SAMMSON: variants seen among roughly 807,000 people sequenced by gnomAD.
SAMMSON encodes survival associated mitochondrial melanoma specific oncogenic non-coding RNA, also known as long intergenic non-protein coding RNA 1212.
intron 3 of SAMMSON, among the ~76,000 whole-genome samples, chr3:70,026,193 A>G (rs2067036439): frequency 6.6e-6 from 1 of 152,206 alleles, no homozygotes; most frequent in Non-Finnish European, 1.5e-5. Flanking sequence ...TCATTGGAAG[A>G]TGATATTTAC....
intron 4 of SAMMSON, among the ~76,000 whole-genome samples, chr3:70,164,222 T>C (rs1279485832): frequency 6.6e-6 from 1 of 152,042 alleles, no homozygotes; most frequent in Non-Finnish European, 1.5e-5. Context: ...GTTCTGCCTC[T>C]AACTAGCTGT....
intron 4 of SAMMSON, among the ~76,000 whole-genome samples, chr3:70,169,790 G>A (rs2067654604): frequency 1.3e-5 from 2 of 151,884 alleles, no homozygotes; most frequent in Admixed American, 1.3e-4. Context: ...GACTTAGAAT[G>A]AACTACATTT....
At chr3:70,377,904 A>T (rs192619947) in intron 9 of SAMMSON, among the ~76,000 whole-genome samples, 1 of 152,120 alleles carries the variant, frequency 6.6e-6, no homozygotes, top group East Asian at 1.9e-4. Flanking sequence ...TATCAATGTG[A>T]TACTCCTTTT....
rs192305061 is a variant in SAMMSON at position 70,203,261 on chromosome 3, A to G, written n.508-45846A>G. On this transcript the variant is annotated intron_variant and non_coding_transcript_variant, in intron 4 of 9. Coordinates refer to ENST00000642114, the Ensembl canonical transcript of SAMMSON. Reference sequence around the variant, plus strand: ...GTTATCACAGAGAATTCAGCATCATAATGAGATTCATGACACAATGAATCC... The same window carrying G: ...GTTATCACAGAGAATTCAGCATCATGATGAGATTCATGACACAATGAATCC... 3.2e-3 allele frequency among the ~76,000 whole-genome samples: 490 copies of G among 152,242 alleles called. 2 individuals are homozygous for G. Among genetic ancestry groups the G allele is most frequent in the Non-Finnish European group, 5.3e-3 (361 of 68,004 alleles).
At chr3:70,178,393 T>A (rs1362192302) in intron 4 of SAMMSON, among the ~76,000 whole-genome samples, 3 of 152,178 alleles carry the variant, frequency 2.0e-5, no homozygotes, top group Admixed American at 2.0e-4. Context: ...TTAAAGGACA[T>A]ACCCTGGCTG....
intron 3 of SAMMSON, among the ~76,000 whole-genome samples, chr3:70,020,669 C>T (rs890654707): frequency 4.5e-4 from 69 of 152,196 alleles, no homozygotes; most frequent in African/African-American, 1.5e-3. Flanking sequence ...CTACTTGGAT[C>T]TCATTCCTTT....
intron 4 of SAMMSON, among the ~76,000 whole-genome samples, chr3:70,074,185 A>G (rs1376443545): frequency 2.6e-5 from 4 of 152,046 alleles, no homozygotes; most frequent in Non-Finnish European, 5.9e-5. Context: ...TGTTTTGCCT[A>G]TTCACAAAAG....
downstream of SAMMSON, among the ~76,000 whole-genome samples, chr3:70,390,998 T>C (rs765423699): frequency 1.2e-4 from 18 of 152,094 alleles, no homozygotes; most frequent in Non-Finnish European, 1.6e-4. Flanking sequence ...TATTGTGTCA[T>C]TAGAATTTAT....
chr3:70,255,000 AT>A (rs1187793030), intron 6 of SAMMSON, among the ~76,000 whole-genome samples: 1 of 152,302 alleles, frequency 6.6e-6, no homozygotes, highest in East Asian at 1.9e-4. Context: ...GGACATTTAG[AT>A]TGTTCCTTAT....
chr3:70,392,950 T>A (rs1258345336), downstream of SAMMSON, among the ~76,000 whole-genome samples: 2 of 152,128 alleles, frequency 1.3e-5, no homozygotes, highest in Non-Finnish European at 2.9e-5. Flanking sequence ...AGATTTTAAT[T>A]CGCATTGCAA....
intron 4 of SAMMSON, among the ~76,000 whole-genome samples, chr3:70,110,821 G>A (rs1388658197): frequency 6.6e-6 from 1 of 152,106 alleles, no homozygotes; most frequent in Admixed American, 6.5e-5. Flanking sequence ...ACACCTGAAC[G>A]TACGCCACCT....
intron 4 of SAMMSON, among the ~76,000 whole-genome samples, chr3:70,144,730 GTCTCACAAGA>G (rs2067541153): frequency 6.6e-6 from 1 of 152,038 alleles, no homozygotes. Context: ...TAATGAATGG[GTCTCACAAGA>G]TCTAAATGGT....
chr3:70,370,543 T>C (rs1020704070), intron 9 of SAMMSON, among the ~76,000 whole-genome samples: 4 of 152,144 alleles, frequency 2.6e-5, no homozygotes, highest in African/African-American at 7.2e-5. Context: ...TTGATTTGCA[T>C]TTCTCTGATG....
chr3:70,385,011 T>C lies in SAMMSON; in HGVS notation n.914-4563T>C, dbSNP rs547108432. On this transcript the variant is annotated intron_variant and non_coding_transcript_variant, in intron 9 of 9. Transcript: ENST00000642114. ...CATGTGCCAGTGCTAACATATGGAA[T>C]AGAATAATCTAGGCAACAGGGGAAT... Among the ~76,000 whole-genome samples the C allele has an allele frequency of 6.3e-4, 96 of 152,214 alleles. 1 individual carries two copies. Among genetic ancestry groups the C allele is most frequent in the African/African-American group, 2.1e-3 (88 of 41,568 alleles).
chr3:70,023,670 A>T (rs1244532255), intron 3 of SAMMSON, among the ~76,000 whole-genome samples: 2 of 152,124 alleles, frequency 1.3e-5, no homozygotes, highest in Non-Finnish European at 2.9e-5. Flanking sequence ...TTCAGTAATT[A>T]TCGGTGGCTC....
intron 7 of SAMMSON, among the ~76,000 whole-genome samples, chr3:70,347,539 T>C (rs890565460): frequency 3.3e-5 from 5 of 152,182 alleles, no homozygotes; most frequent in African/African-American, 1.2e-4. Flanking sequence ...TCAGACCTAA[T>C]TTTTCTGCTC....
intron 3 of SAMMSON, among the ~76,000 whole-genome samples, chr3:70,039,955 T>C (rs1465244276): frequency 6.6e-6 from 1 of 152,108 alleles, no homozygotes; most frequent in African/African-American, 2.4e-5. Context: ...CTTCACAAGT[T>C]CCTCCTCAGT....
intron 4 of SAMMSON, among the ~76,000 whole-genome samples, chr3:70,117,578 A>G (rs1326856579): frequency 1.3e-5 from 2 of 152,200 alleles, no homozygotes; most frequent in Admixed American, 6.5e-5. Flanking sequence ...CCCTTGTTCC[A>G]TGCAGTATTT....
chr3:70,373,769 G>T (rs1445858713), intron 9 of SAMMSON, among the ~76,000 whole-genome samples: 1 of 151,906 alleles, frequency 6.6e-6, no homozygotes, highest in Non-Finnish European at 1.5e-5. Context: ...TTAAATTTTA[G>T]TTATTCTGTT....
Sources: gnomAD v4.1 joint callset for allele counts (sites outside exome capture counted in the v4.1 genomes callset) on GRCh38, gnomAD v4.1.1 for gene constraint, MANE v1.5 for transcripts, NCBI Gene and HGNC (gene_info 2026-07-23, HGNC 2026-07-21) for gene names.